ZNF503: variants seen among roughly 807,000 people sequenced by gnomAD.
ZNF503 encodes the protein zinc finger protein 503, also known as NocA-like zinc finger 2.
A neutral mutation model predicts 34.4 loss-of-function variants in ZNF503; 15 were observed. The observed-to-expected ratio is 0.44, with a 90% CI of 0.29 to 0.67. The LOEUF is 0.67. Ranked by LOEUF, ZNF503 falls within the 30% of genes least tolerant of loss-of-function variation. The probability of loss-of-function intolerance (pLI) is 0.13; values close to 1 mark genes in which losing one functional copy is unlikely to be tolerated. For synonymous variants in ZNF503, 580 were observed against 456.8 expected, an observed-to-expected ratio of 1.27 and a Z score of -3.44; for missense variants, 1,007 against 926.8, an observed-to-expected ratio of 1.09 and a Z score of -1.12.
chr10:75,367,611 A>T, the ZNF503 span, among the ~76,000 whole-genome samples: 1 of 152,234 alleles, frequency 6.6e-6, no homozygotes, highest in Non-Finnish European at 1.5e-5. Flanking sequence ...AATATAACAT[A>T]TAGGCTCAAA....
At chr10:75,388,530 T>C in the ZNF503 span, among the ~76,000 whole-genome samples, 2 of 151,974 alleles carry the variant, frequency 1.3e-5, no homozygotes, top group African/African-American at 4.8e-5. Flanking sequence ...TAGCAAAGAG[T>C]GAAAGGCACA....
the ZNF503 span, among the ~76,000 whole-genome samples, chr10:75,323,038 A>G: frequency 1.3e-5 from 2 of 152,068 alleles, no homozygotes; most frequent in East Asian, 3.9e-4. Context: ...ACAATCCATT[A>G]CTCCAAAATT....
the ZNF503 span, among the ~76,000 whole-genome samples, chr10:75,310,229 A>G: frequency 6.6e-6 from 1 of 152,156 alleles, no homozygotes; most frequent in Non-Finnish European, 1.5e-5. Flanking sequence ...ATATTAGAAA[A>G]CTCTGAAGGG....
the ZNF503 span, among the ~76,000 whole-genome samples, chr10:75,310,895 CA>C: frequency 2.6e-5 from 4 of 152,250 alleles, no homozygotes; most frequent in East Asian, 3.9e-4. Flanking sequence ...CCCATAGTCT[CA>C]TAACATAATA....
At chr10:75,374,460 C>T in the ZNF503 span, among the ~76,000 whole-genome samples, 2 of 152,218 alleles carry the variant, frequency 1.3e-5, no homozygotes, top group East Asian at 3.8e-4. Flanking sequence ...GATGGACTCC[C>T]ACCTGGGGTC....
chr10:75,296,019 A>AGTAAC, the ZNF503 span, among the ~76,000 whole-genome samples: 1 of 152,218 alleles, frequency 6.6e-6, no homozygotes, highest in Non-Finnish European at 1.5e-5. Flanking sequence ...GGAACTCAAT[A>AGTAAC]GTAACGTGAT....
downstream of ZNF503, among the ~76,000 whole-genome samples, chr10:75,396,727 T>C (rs1271855426): frequency 6.6e-6 from 1 of 151,834 alleles, no homozygotes; most frequent in Admixed American, 6.6e-5. The surrounding 1 kb of genome is among the most constrained non-coding windows in gnomAD (Gnocchi z 4.4). Flanking sequence ...GACTCCACGG[T>C]CCCGGAATCC....
chr10:75,398,941 G>A lies in ZNF503; in HGVS notation c.1749C>T (p.Ser583=), dbSNP rs1005074682. ...MHIPTSGAPG[S]PGTLALRSPH... ...GGCTGCGCAGCGCCAGCGTCCCAGG[G>A]CTGCCCGGTGCGCCCGAGGTGGGGA... is the stretch of plus-strand genomic sequence containing the variant. Residue 583 remains serine (S), a synonymous_variant, in exon 2 of 2, where the codon AGC becomes AGT. Transcript: ENST00000372524. 1 of 1,596,700 alleles carries A rather than the reference G, an allele frequency of 6.3e-7. No individual in the cohort carries two copies. The highest frequency in any genetic ancestry group is 1.3e-5 in the African/African-American group (1 of 74,924).
Position 75,399,247 on chromosome 10 carries a change from C to T in ZNF503, c.1443G>A (p.Ser481=), listed in dbSNP as rs535700950. The T allele has an allele frequency of 6.0e-5, 95 of 1,592,696 alleles. No homozygotes were observed. In the East Asian group the frequency reaches 1.8e-3, roughly 31 times the overall value. ...CGCCAGCAGCCGCGGCGGCCGTTAG[C>T]GAGGAGTGCACACCGTGCAGCGGGT... ...PTHPLHGVHS[S]LTAAAAAGAT... The change falls in exon 2 of 2, where the codon TCG becomes TCA. Residue 481 remains serine (S), a synonymous_variant. Transcript: ENST00000372524.
At chr10:75,285,746 C>A in the ZNF503 span, among the ~76,000 whole-genome samples, 2 of 152,136 alleles carry the variant, frequency 1.3e-5, no homozygotes, top group East Asian at 3.9e-4. Flanking sequence ...TAAGCATTGA[C>A]CAGCACACTG....
At chr10:75,328,304 T>G in the ZNF503 span, among the ~76,000 whole-genome samples, 4 of 152,348 alleles carry the variant, frequency 2.6e-5, no homozygotes, top group South Asian at 8.3e-4. Context: ...TCATTTATTC[T>G]GCATGTGGAT....
chr10:75,363,562 T>A, the ZNF503 span, among the ~76,000 whole-genome samples: 1 of 152,228 alleles, frequency 6.6e-6, no homozygotes, highest in Admixed American at 6.5e-5. Flanking sequence ...CAGCAAATAA[T>A]TCTCCCGCAT....
At chr10:75,392,886 C>T (rs183417463), downstream of ZNF503, among the ~76,000 whole-genome samples, 7 of 152,330 alleles carry the variant, frequency 4.6e-5, no homozygotes, top group East Asian at 9.6e-4. Flanking sequence ...TAATTTGAGC[C>T]TCACTACAGC....
the ZNF503 span, among the ~76,000 whole-genome samples, chr10:75,381,805 CTTTTTTTTTTTTT>C: frequency 3.4e-4 from 13 of 38,652 alleles, no homozygotes; most frequent in East Asian, 1.8e-3. Flanking sequence ...GAACCTAATT[CTTTTTTTTTTTTT>C]TTTTTTTTTT....
chr10:75,398,802 AG>A lies in ZNF503; in HGVS notation c.1887del (p.Tyr630ThrfsTer8). On this transcript the variant is annotated frameshift_variant, in exon 2 of 2. Transcript: ENST00000372524. LOFTEE classifies it high-confidence loss of function. Reference protein sequence around the residue: ...VPAATGPYYSPYALYGQRLTT... With the variant: ...VPAATGPYYSXYALYGQRLTT... ...GTCAGTCTCTGTCCGTAGAGGGCGTAGGGGGAGTAGTACGGTCCGGTGGCGG... is the reference window on the plus strand; with the variant it reads ...GTCAGTCTCTGTCCGTAGAGGGCGTAGGGGAGTAGTACGGTCCGGTGGCGG... 1.4e-6 allele frequency: 2 copies of A among 1,479,848 alleles called. No individual in the cohort carries two copies. The allele number at this position is 1,479,848 out of a possible 1,614,324, so 91.7% of individuals were successfully genotyped here. A position where few individuals can be genotyped will look rare whatever the true frequency, so the allele number is the denominator to read the frequency against.
the ZNF503 span, among the ~76,000 whole-genome samples, chr10:75,284,711 T>C: frequency 6.6e-6 from 1 of 152,156 alleles, no homozygotes; most frequent in Non-Finnish European, 1.5e-5. Flanking sequence ...ATGTAGTGTC[T>C]GGATTATAGT....
chr10:75,352,081 G>A, the ZNF503 span, among the ~76,000 whole-genome samples: 2 of 120,442 alleles, frequency 1.7e-5, no homozygotes, highest in South Asian at 4.6e-4. Context: ...AAATGCCTAT[G>A]GGTGCTCCAG....
chr10:75,388,186 G>A, the ZNF503 span, among the ~76,000 whole-genome samples: 2 of 152,238 alleles, frequency 1.3e-5, no homozygotes, highest in African/African-American at 2.4e-5. Flanking sequence ...CTAGACAGCT[G>A]GATCTGCAGT....
chr10:75,301,563 C>T, the ZNF503 span, among the ~76,000 whole-genome samples: 1 of 152,008 alleles, frequency 6.6e-6, no homozygotes, highest in Non-Finnish European at 1.5e-5. Context: ...TTTGTATTTG[C>T]TTATTGTCTT....
Sources: allele counts gnomAD v4.1 joint callset (sites outside exome capture counted in the v4.1 genomes callset), GRCh38; gene constraint gnomAD v4.1.1; non-coding constraint Gnocchi (gnomAD v3.1); transcripts MANE v1.5; gene names NCBI Gene and HGNC (gene_info 2026-07-23, HGNC 2026-07-21).